GET1: variants seen among roughly 807,000 people sequenced by gnomAD.
GET1 encodes congenital heart disease 5 protein.
A neutral mutation model predicts 22.6 loss-of-function variants in GET1; 20 were observed. The ratio of observed to expected loss-of-function variants is 0.89; its 90% confidence interval spans 0.62 to 1.29. The LOEUF (loss-of-function observed/expected upper bound fraction) is 1.29, where lower values mean the gene tolerates loss of function less well. GET1 is among the 50% of genes most tolerant of loss of function. The probability of loss-of-function intolerance (pLI) is 0.00; values close to 1 mark genes in which losing one functional copy is unlikely to be tolerated. For synonymous variants in GET1, 92 were observed against 83.8 expected, an observed-to-expected ratio of 1.10 and a Z score of -0.53; for missense variants, 209 against 219.9, an observed-to-expected ratio of 0.95 and a Z score of 0.31.
At chr21:39,425,691 G>A (rs2074559905) in intron 1 of GET1, among the ~76,000 whole-genome samples, 2 of 152,248 alleles carry the variant, frequency 1.3e-5, no homozygotes, top group Admixed American at 1.3e-4. Flanking sequence ...AGGGGTGGGC[G>A]AGGACTGACA....
chr21:39,411,882 G>A (rs2040142331), intron 1 of GET1: 2 of 756,626 alleles, frequency 2.6e-6, no homozygotes. Flanking sequence ...CAATTTAAAT[G>A]AGCTCAGTAT....
chr21:39,425,659 A>G (rs565762849), intron 1 of GET1, among the ~76,000 whole-genome samples: 2 of 152,296 alleles, frequency 1.3e-5, no homozygotes, highest in Admixed American at 1.3e-4. Flanking sequence ...CCCAGGCCGT[A>G]TGGATCAGGC....
At chr21:39,419,738 AAAAAGTT>A in intron 1 of GET1, among the ~76,000 whole-genome samples, 1 of 152,084 alleles carries the variant, frequency 6.6e-6, no homozygotes, top group Non-Finnish European at 1.5e-5. Context: ...CTTAAAAATA[AAAAAGTT>A]AAAGATCCTT....
downstream of GET1, among the ~76,000 whole-genome samples, chr21:39,398,695 C>G (rs983528771): frequency 2.7e-5 from 4 of 150,176 alleles, no homozygotes; most frequent in African/African-American, 9.8e-5. Context: ...CTCACTGCAC[C>G]CTTTGCCTCC....
chr21:39,388,802 C>A (rs1443329589), intron 1 of GET1, among the ~76,000 whole-genome samples: 1 of 152,212 alleles, frequency 6.6e-6, no homozygotes, highest in African/African-American at 2.4e-5. Flanking sequence ...CTCTCCCATC[C>A]CGGTGCCGTG....
intron 1 of GET1, among the ~76,000 whole-genome samples, chr21:39,388,045 C>G (rs2038040694): frequency 6.6e-6 from 1 of 152,140 alleles, no homozygotes; most frequent in Non-Finnish European, 1.5e-5. Context: ...AGTTGTCAAC[C>G]CAAACCCCCT....
intron 2 of GET1, 72 bp from the exon 3 acceptor site, chr21:39,391,697 A>G (rs2038307699): frequency 7.2e-7 from 1 of 1,388,650 alleles, no homozygotes. Context: ...GGAAAATAAC[A>G]TTTCTGTGTA....
At chr21:39,382,319 T>C (rs1569028247) in intron 1 of GET1, among the ~76,000 whole-genome samples, 2 of 152,122 alleles carry the variant, frequency 1.3e-5, no homozygotes, top group Non-Finnish European at 2.9e-5. Context: ...CCTCCCAAAG[T>C]GCTAGGATTA....
intron 4 of GET1, among the ~76,000 whole-genome samples, chr21:39,404,234 ATTAG>A (rs2038930199): frequency 1.3e-5 from 2 of 152,224 alleles, no homozygotes; most frequent in African/African-American, 4.8e-5. Context: ...TAGTAAATAT[ATTAG>A]TTAGGACTGA....
chr21:39,381,555 T>C (rs1204738033), intron 1 of GET1, among the ~76,000 whole-genome samples: 1 of 152,326 alleles, frequency 6.6e-6, no homozygotes, highest in Middle Eastern at 3.4e-3. Flanking sequence ...CTTCAGAATC[T>C]TTCCTGATGC....
At chr21:39,381,023 G>T in intron 1 of GET1, 1 of 881,368 alleles carries the variant, frequency 1.1e-6, no homozygotes, top group Non-Finnish European at 1.4e-6. Flanking sequence ...CTTTCTGCCA[G>T]GTAGTGAGTA....
chr21:39,399,513 C>G (rs529263715), downstream of GET1, among the ~76,000 whole-genome samples: 19 of 152,096 alleles, frequency 1.2e-4, 1 homozygote, highest in East Asian at 1.4e-3. Flanking sequence ...GGCGCGATCT[C>G]GGCTCACTGC....
intron 1 of GET1, among the ~76,000 whole-genome samples, chr21:39,382,168 C>T (rs192106624): frequency 6.6e-6 from 1 of 152,112 alleles, no homozygotes; most frequent in East Asian, 1.9e-4. Flanking sequence ...GATTCTCCTG[C>T]CTCAGCCTCC....
exon 5 of GET1, chr21:39,406,273 C>T: frequency 6.2e-7 from 1 of 1,614,224 alleles, no homozygotes; most frequent in Non-Finnish European, 8.5e-7. Context: ...GGCTGGCCCC[C>T]CTGAAGCAGG....
At chr21:39,400,743 G>C (rs968397766), downstream of GET1, among the ~76,000 whole-genome samples, 3 of 152,036 alleles carry the variant, frequency 2.0e-5, no homozygotes, top group African/African-American at 7.3e-5. Flanking sequence ...TGCATCTTTG[G>C]GTTCTAATGC....
intron 1 of GET1, among the ~76,000 whole-genome samples, chr21:39,412,023 G>A (rs1601720050): frequency 6.6e-6 from 1 of 152,290 alleles, no homozygotes; most frequent in East Asian, 1.9e-4. Flanking sequence ...CAGTATTTTT[G>A]AAGAGCCTTG....
At chr21:39,403,238 CTTCTT>C (rs760418507) in intron 4 of GET1, among the ~76,000 whole-genome samples, 8 of 152,230 alleles carry the variant, frequency 5.3e-5, no homozygotes, top group South Asian at 2.1e-4. Flanking sequence ...CTTCCGTCCT[CTTCTT>C]TTCTATGTTA....
At chr21:39,413,187 TAG>T (rs1375337761) in intron 1 of GET1, among the ~76,000 whole-genome samples, 2 of 152,204 alleles carry the variant, frequency 1.3e-5, no homozygotes, top group African/African-American at 4.8e-5. Context: ...GAACCAGCTC[TAG>T]AGAGGGGCCA....
At chr21:39,405,929 T>A (rs1057349551) in exon 5 of GET1, 1 of 1,610,794 alleles carries the variant, frequency 6.2e-7, no homozygotes, top group South Asian at 1.1e-5. Flanking sequence ...GATGGCTTAA[T>A]AGAATTTACC....
Sources: allele counts gnomAD v4.1 joint callset (sites outside exome capture counted in the v4.1 genomes callset), GRCh38; gene constraint gnomAD v4.1.1; transcripts MANE v1.5; gene names NCBI Gene and HGNC (gene_info 2026-07-23, HGNC 2026-07-21).